MCM9: variants seen among roughly 807,000 people sequenced by gnomAD.
MCM9 encodes the protein minichromosome maintenance 9 homologous recombination repair factor.
Under a neutral mutation model 72.8 loss-of-function variants are expected in MCM9, and 55 were observed. The ratio of observed to expected loss-of-function variants is 0.76; its 90% CI spans 0.61 to 0.95. MCM9 has a LOEUF of 0.95. Ranked by LOEUF, MCM9 falls within the 40% of genes least tolerant of loss-of-function variation. The pLI is 0.00. For missense variants in MCM9, 1,279 were observed against 1,377.0 expected (o/e 0.93, Z 1.13); for synonymous variants, 480 against 503.4 (o/e 0.95, Z 0.62).
chr6:118,907,675 A>G, intron 8 of MCM9: 1 of 1,337,046 alleles, frequency 7.5e-7, no homozygotes, highest in Non-Finnish European at 1.1e-6. Context: ...TATTTCCCTG[A>G]AATTCCGTAA....
intron 10 of MCM9, 93 bp downstream of exon 10, chr6:118,828,955 C>A: frequency 7.8e-7 from 1 of 1,287,160 alleles, no homozygotes; most frequent in Non-Finnish European, 1.1e-6. Flanking sequence ...CATAGCCTAT[C>A]TTGGGTATTT....
At position 118,848,584 on chromosome 6, in the gene MCM9, T is replaced by C. The variant is rs192150028; in HGVS notation, c.1325+7787A>G. ...GTTTGGCCCACAAAGTCTAAAATACTTGCTATCCTAATCTCCACAGAAAAA... is the reference window on the plus strand; with the variant it reads ...GTTTGGCCCACAAAGTCTAAAATACCTGCTATCCTAATCTCCACAGAAAAA... On this transcript the variant is annotated intron_variant, in intron 9 of 13. Coordinates refer to ENST00000619706, the MANE Select transcript of MCM9 (RefSeq NM_017696.3). Among the ~76,000 whole-genome samples the C allele has an allele frequency of 3.6e-3, 552 of 151,950 alleles. 8 individuals are homozygous for C. Among genetic ancestry groups the C allele is most frequent in the Non-Finnish European group, 2.6e-3 (174 of 68,018 alleles).
At chr6:118,891,747 AACT>A (rs778743161) in intron 8 of MCM9, among the ~76,000 whole-genome samples, 3 of 152,164 alleles carry the variant, frequency 2.0e-5, no homozygotes, top group Non-Finnish European at 4.4e-5. Context: ...CTAAAACAAC[AACT>A]AACTAGTTTC....
intron 8 of MCM9, among the ~76,000 whole-genome samples, chr6:118,902,542 T>TG (rs1177091107): frequency 6.6e-6 from 1 of 151,574 alleles, no homozygotes; most frequent in Non-Finnish European, 1.5e-5. Flanking sequence ...TTTTTTTTTT[T>TG]TTTTGGCTAC....
chr6:118,922,103 AAC>A lies in MCM9; in HGVS notation c.622-19_622-18del. ...CCTTTGAACCTAGCAAAGAAAAGAA[AAC>A]AGATTCTGAGTATGCTTAAATACAT... is the stretch of plus-strand genomic sequence containing the variant. On this transcript the variant is annotated intron_variant, in intron 4 of 13. Coordinates refer to ENST00000619706, the MANE Select transcript of MCM9 (RefSeq NM_017696.3). 1 of 1,592,410 alleles carries A rather than the reference AAC, an allele frequency of 6.3e-7. No individual in the cohort carries two copies. The highest frequency in any genetic ancestry group is 8.6e-7 in the Non-Finnish European group (1 of 1,167,010).
intron 8 of MCM9, among the ~76,000 whole-genome samples, chr6:118,861,814 G>A (rs1353668658): frequency 1.3e-5 from 2 of 152,194 alleles, no homozygotes; most frequent in Non-Finnish European, 2.9e-5. Context: ...CTAGCCCTCA[G>A]GCTTCAGGCT....
intron 8 of MCM9, among the ~76,000 whole-genome samples, chr6:118,905,144 A>G (rs1780087827): frequency 1.3e-5 from 2 of 152,162 alleles, no homozygotes; most frequent in African/African-American, 4.8e-5. Flanking sequence ...CCTCATTTTC[A>G]GTTTTATACT....
chr6:118,875,530 A>G (rs912764268), intron 8 of MCM9, among the ~76,000 whole-genome samples: 15 of 151,888 alleles, frequency 9.9e-5, no homozygotes, highest in African/African-American at 3.6e-4. Flanking sequence ...CAGCTACTCA[A>G]GAGACTGAGG....
intron 8 of MCM9, among the ~76,000 whole-genome samples, chr6:118,889,141 T>TA (rs2114440005): frequency 6.6e-6 from 1 of 152,338 alleles, no homozygotes; most frequent in African/African-American, 2.4e-5. Context: ...AGGGGGTACT[T>TA]AGAGGTGGAT....
At chr6:118,897,237 C>T (rs1583585933) in intron 8 of MCM9, among the ~76,000 whole-genome samples, 1 of 152,244 alleles carries the variant, frequency 6.6e-6, no homozygotes, top group Non-Finnish European at 1.5e-5. Context: ...TCATCAGTAG[C>T]CCCAAACGTT....
intron 8 of MCM9, among the ~76,000 whole-genome samples, chr6:118,869,120 T>C (rs1278074924): frequency 6.6e-6 from 1 of 152,154 alleles, no homozygotes; most frequent in Non-Finnish European, 1.5e-5. Flanking sequence ...TGCAGGGACA[T>C]GAAGCTGGAA....
intron 5 of MCM9, chr6:118,920,415 T>C (rs1014259004): frequency 6.6e-6 from 1 of 152,232 alleles, no homozygotes; most frequent in African/African-American, 2.4e-5. Context: ...AAATAAATAT[T>C]TGTTGTTGAA....
At position 118,814,689 on chromosome 6, in the gene MCM9, T is replaced by C; in HGVS notation, c.*135A>G. ...AAGATTAACCTGAAATTAGAAAGCC[T>C]TAAGGGGGAGCCAGTATTCAGAGTG... On this transcript the variant is annotated 3_prime_UTR_variant, in exon 14 of 14. Coordinates refer to ENST00000619706, the MANE Select transcript of MCM9 (RefSeq NM_017696.3). 1 of 855,000 alleles carries C rather than the reference T, an allele frequency of 1.2e-6. No individual in the cohort carries two copies. The highest frequency in any genetic ancestry group is 2.3e-5 in the South Asian group (1 of 42,836). The allele number at this position is 855,000 out of a possible 1,614,324, so 53.0% of individuals were successfully genotyped here.
chr6:118,918,231 C>T (rs1368218595), intron 5 of MCM9: 1 of 155,038 alleles, frequency 6.5e-6, no homozygotes, highest in African/African-American at 2.4e-5. Flanking sequence ...GGGTTTCTTA[C>T]ATGTTCATTT....
chr6:118,888,385 G>T (rs1264984482), intron 8 of MCM9, among the ~76,000 whole-genome samples: 2 of 152,126 alleles, frequency 1.3e-5, no homozygotes, highest in Non-Finnish European at 2.9e-5. Flanking sequence ...TACTCGGGAG[G>T]CTAAGGCAGG....
At chr6:118,902,671 T>C (rs1053957670) in intron 8 of MCM9, among the ~76,000 whole-genome samples, 2 of 152,132 alleles carry the variant, frequency 1.3e-5, no homozygotes, top group African/African-American at 4.8e-5. Flanking sequence ...AAAAAATGTA[T>C]TCAAAAGTAT....
In MCM9 at chr6:118,856,559, CA is replaced by C. The variant is rs776661448; in HGVS notation, c.1151-15del. 1.9e-5 allele frequency: 29 copies of C among 1,522,866 alleles called. 1 individual carries two copies. The South Asian group carries it at 3.1e-4, about 16-fold the overall frequency. The allele number at this position is 1,522,866 out of a possible 1,614,324, so 94.3% of individuals were successfully genotyped here. Reference sequence around the variant, plus strand: ...TTACCGTCAGACCTGAGGAAACAAGCAAGCCATATCAACTTTTATTTTCAAA... The same window carrying C: ...TTACCGTCAGACCTGAGGAAACAAGCAGCCATATCAACTTTTATTTTCAAA... On this transcript the variant is annotated splice_polypyrimidine_tract_variant and intron_variant, in intron 8 of 13. Coordinates refer to ENST00000619706, the MANE Select transcript of MCM9 (RefSeq NM_017696.3).
rs572719904 is a variant in MCM9 at position 118,877,755 on chromosome 6, A to C, written c.1151-21210T>G. 3.3e-5 allele frequency among the ~76,000 whole-genome samples: 5 copies of C among 152,372 alleles called. No homozygotes were observed. The East Asian group carries it at 9.6e-4, about 29-fold the overall frequency. ...GAGGGAGATAGGTAAAAGAGGGCTC[A>C]TCATAAAATTCTTCATAATAGTTAA... On this transcript the variant is annotated intron_variant, in intron 8 of 13. Coordinates refer to ENST00000619706, the MANE Select transcript of MCM9 (RefSeq NM_017696.3).
In MCM9 at chr6:118,816,231, T is replaced by G. The variant is rs1005590070; in HGVS notation, c.2025A>C (p.Gly675=). 1.2e-5 allele frequency: 18 copies of G among 1,550,462 alleles called. No individual in the cohort carries two copies. Among genetic ancestry groups the G allele is most frequent in the Non-Finnish European group, 1.4e-5 (16 of 1,146,908 alleles). ...PRVLEVETTP[G]SLRNGPGEES... is the part of the protein sequence containing the mutation. ...CTTCCCCTGGACCATTTCTCAAGGATCCTGGAGTAGTCTCTACCTCCAATA... is the reference window on the plus strand; with the variant it reads ...CTTCCCCTGGACCATTTCTCAAGGAGCCTGGAGTAGTCTCTACCTCCAATA... The change falls in exon 14 of 14, where the codon GGA becomes GGC. Residue 675 remains glycine (G), a synonymous_variant. Transcript: ENST00000619706.
Sources: allele counts gnomAD v4.1 joint callset (sites outside exome capture counted in the v4.1 genomes callset), GRCh38; gene constraint gnomAD v4.1.1; transcripts MANE v1.5; gene names NCBI Gene and HGNC (gene_info 2026-07-23, HGNC 2026-07-21).